Variants in GTF2I observed in about 807,000 individuals in gnomAD.
The protein encoded by GTF2I is general transcription factor II-I.
GTF2I carries 12 observed loss-of-function variants against 67.6 expected under a neutral mutation model. The ratio of observed to expected loss-of-function variants is 0.18; its 90% CI spans 0.11 to 0.29. The LOEUF (loss-of-function observed/expected upper bound fraction) is 0.29. GTF2I is among the 10% of genes least tolerant of loss of function. The pLI is 1.00. For synonymous variants in GTF2I, 149 were observed against 197.0 expected, an observed-to-expected ratio of 0.76 and a Z score of 2.04; for missense variants, 271 against 580.1, an observed-to-expected ratio of 0.47 and a Z score of 5.47.
intron 1 of GTF2I, among the ~76,000 whole-genome samples, chr7:74,670,053 A>G (rs2131212090): frequency 6.6e-6 from 1 of 152,318 alleles, no homozygotes; most frequent in Middle Eastern, 3.4e-3. Flanking sequence ...GCTATTTTCA[A>G]TTTACCAGGC....
chr7:74,729,780 T>C (rs587711911), intron 13 of GTF2I, among the ~76,000 whole-genome samples: 1 of 151,090 alleles, frequency 6.6e-6, no homozygotes, highest in South Asian at 2.1e-4. Context: ...ACTTGGCCTG[T>C]TCTTTAGCAT....
intron 1 of GTF2I, among the ~76,000 whole-genome samples, chr7:74,665,130 C>T (rs980684486): frequency 2.7e-5 from 4 of 150,446 alleles, no homozygotes; most frequent in African/African-American, 9.8e-5. Context: ...TTAGTAGAGA[C>T]GGGGTTTCTC....
rs1478776461 is a variant in GTF2I at position 74,670,555 on chromosome 7, A to AGGTG, written c.-6+12488_-6+12491dup. ...CTACTAAAAATACAAAAAATTAGCC[A>AGGTG]GGTGTGGTGGCATCTACCTGTAGTC... On this transcript the variant is annotated intron_variant, in intron 1 of 34. Coordinates refer to ENST00000573035, the MANE Select transcript of GTF2I (RefSeq NM_032999.4). Among the ~76,000 whole-genome samples, 4 of 152,078 alleles carry AGGTG rather than the reference A, an allele frequency of 2.6e-5. No individual in the cohort carries two copies. In the South Asian group the frequency reaches 8.3e-4, roughly 32 times the overall value.
intron 6 of GTF2I, among the ~76,000 whole-genome samples, chr7:74,704,268 T>TTA (rs369892028): frequency 3.5e-5 from 5 of 144,310 alleles, no homozygotes; most frequent in African/African-American, 1.3e-4. Context: ...TAATTATTAT[T>TTA]TTTATTTATT....
chr7:74,671,715 C>T (rs1159493744), intron 1 of GTF2I, among the ~76,000 whole-genome samples: 1 of 152,074 alleles, frequency 6.6e-6, no homozygotes, highest in Non-Finnish European at 1.5e-5. Flanking sequence ...GCCATGGTGT[C>T]TCACGCCTGT....
rs782080046 is a variant in GTF2I, at chr7:74,700,344, T to C, written c.471T>C (p.Val157=). 2.5e-6 allele frequency: 4 copies of C among 1,614,082 alleles called. No homozygotes were observed. Among genetic ancestry groups the C allele is most frequent in the African/African-American group, 2.7e-5 (2 of 74,932 alleles). ...AVVVQGLPEG[V]AFKHPENYDL... ...TAGTGCAGGGGCTTCCGGAAGGTGT[T>C]GCCTTTAAACACCCCGAGAACTATG... Residue 157 remains valine (V), a synonymous_variant, in exon 5 of 35, where the codon GTT becomes GTC. Transcript: ENST00000573035.
intron 26 of GTF2I, among the ~76,000 whole-genome samples, chr7:74,750,661 A>G (rs1456826598): frequency 2.6e-5 from 2 of 76,862 alleles, no homozygotes; most frequent in Non-Finnish European, 4.4e-5. Context: ...ACTGGAGTGC[A>G]GTGGTGTGTG....
At chr7:74,680,551 C>T (rs948685022) in intron 1 of GTF2I, among the ~76,000 whole-genome samples, 7 of 151,764 alleles carry the variant, frequency 4.6e-5, no homozygotes, top group East Asian at 1.9e-4. Context: ...GACCAGCCTG[C>T]GCAACATAGT....
chr7:74,726,983 C>G (rs1489367141), intron 12 of GTF2I: 1 of 152,110 alleles, frequency 6.6e-6, no homozygotes, highest in African/African-American at 2.4e-5. Context: ...AGTTTTCTAT[C>G]AAATTTTTTC....
intron 12 of GTF2I, among the ~76,000 whole-genome samples, chr7:74,720,363 A>G (rs1253787829): frequency 2.6e-5 from 4 of 152,132 alleles, no homozygotes; most frequent in African/African-American, 7.2e-5. Flanking sequence ...GACTACTCCA[A>G]ACTACTCAAC....
At chr7:74,688,527 G>A (rs587671009) in intron 1 of GTF2I, among the ~76,000 whole-genome samples, 4 of 152,038 alleles carry the variant, frequency 2.6e-5, no homozygotes, top group East Asian at 1.9e-4. Context: ...TGCGATCTCC[G>A]CTCACTGCAG....
At chr7:74,677,648 G>A (rs989565195) in intron 1 of GTF2I, among the ~76,000 whole-genome samples, 1 of 151,764 alleles carries the variant, frequency 6.6e-6, no homozygotes, top group African/African-American at 2.4e-5. Flanking sequence ...CGGGCGTGGT[G>A]ACATACACCT....
chr7:74,660,530 C>T (rs1279706529), intron 1 of GTF2I, among the ~76,000 whole-genome samples: 1 of 152,002 alleles, frequency 6.6e-6, no homozygotes, highest in Non-Finnish European at 1.5e-5. Context: ...GAGTTTGTTC[C>T]TTCTTAGTCT....
At chr7:74,673,355 G>A (rs782782831) in intron 1 of GTF2I, among the ~76,000 whole-genome samples, 1 of 152,048 alleles carries the variant, frequency 6.6e-6, no homozygotes, top group Non-Finnish European at 1.5e-5. Context: ...CTGCTATGTG[G>A]TTTTTGGATT....
intron 1 of GTF2I, among the ~76,000 whole-genome samples, chr7:74,685,492 G>T (rs2428793): frequency 6.6e-6 from 1 of 151,768 alleles, no homozygotes; most frequent in Non-Finnish European, 1.5e-5. Flanking sequence ...GCAAGACCCT[G>T]TCTCAAAACA....
chr7:74,707,022 G>A (rs1790810190), intron 8 of GTF2I, among the ~76,000 whole-genome samples: 1 of 152,068 alleles, frequency 6.6e-6, no homozygotes, highest in Non-Finnish European at 1.5e-5. Context: ...ACTAATTTTT[G>A]TATTTTTAGT....
rs587743921 is a variant in GTF2I, at chr7:74,685,183, T to C, written c.-5-3941T>C. On this transcript the variant is annotated intron_variant, in intron 1 of 34. Transcript: ENST00000573035. Reference sequence around the variant, plus strand: ...GAAAGCAACCAATCAGAGACTAAAGTGAAGTTACAAAGTTACACTTGTATG... The same window carrying C: ...GAAAGCAACCAATCAGAGACTAAAGCGAAGTTACAAAGTTACACTTGTATG... Among the ~76,000 whole-genome samples, 5 of 152,242 alleles carry C rather than the reference T, an allele frequency of 3.3e-5. No homozygotes were observed. In the East Asian group the frequency reaches 9.7e-4, roughly 29 times the overall value.
chr7:74,662,511 CTTTTTTTTTTTTTTTTT>C (rs1161320476), intron 1 of GTF2I, among the ~76,000 whole-genome samples: 516 of 50,244 alleles, frequency 0.01, 16 homozygotes, highest in African/African-American at 0.041. Context: ...CACCTGGACC[CTTTTTTTTTTTTTTTTT>C]TTTTTTTTTT....
intron 1 of GTF2I, among the ~76,000 whole-genome samples, chr7:74,662,561 C>T (rs1374231534): frequency 9.1e-6 from 1 of 110,094 alleles, no homozygotes; most frequent in Non-Finnish European, 1.7e-5. Context: ...CTTGCTCTAT[C>T]GCCCAGGCGG....
Sources: allele counts gnomAD v4.1 joint callset (sites outside exome capture counted in the v4.1 genomes callset), GRCh38; gene constraint gnomAD v4.1.1; transcripts MANE v1.5; gene names NCBI Gene and HGNC (gene_info 2026-07-23, HGNC 2026-07-21).